Variants in SET observed in about 807,000 individuals in gnomAD.
SET encodes the protein protein SET.
A neutral mutation model predicts 39.0 loss-of-function variants in SET; 4 were observed. The ratio of observed to expected loss-of-function variants is 0.10; its 90% CI spans 0.05 to 0.23. The LOEUF (loss-of-function observed/expected upper bound fraction) is 0.23, where lower values mean the gene tolerates loss of function less well. Ranked by LOEUF, SET falls within the 10% of genes least tolerant of loss-of-function variation. The probability of loss-of-function intolerance (pLI) is 1.00; values close to 1 mark genes in which losing one functional copy is unlikely to be tolerated. For synonymous variants in SET, 114 were observed against 115.9 expected, an observed-to-expected ratio of 0.98 and a Z score of 0.11; for missense variants, 137 against 329.7, an observed-to-expected ratio of 0.42 and a Z score of 4.53.
At chr9:128,692,799 G>A in intron 4 of SET, 34 bp downstream of exon 4, 1 of 1,539,372 alleles carries the variant, frequency 6.5e-7, no homozygotes, top group South Asian at 1.1e-5. Flanking sequence ...GTTTGCCACT[G>A]TGGAAATTAA....
chr9:128,686,699 C>T (rs1861295052), upstream of SET, among the ~76,000 whole-genome samples: 3 of 152,072 alleles, frequency 2.0e-5, no homozygotes, highest in Admixed American at 2.0e-4. Flanking sequence ...AGGCAGGGTG[C>T]GATGGCTAAC....
Position 128,691,172 on chromosome 9 carries a change from AAAG to A in SET, c.79_81del (p.Glu27del). 1 of 1,604,176 alleles carries A rather than the reference AAAG, an allele frequency of 6.2e-7. No homozygotes were observed. Among genetic ancestry groups the A allele is most frequent in the Non-Finnish European group, 8.5e-7 (1 of 1,176,480 alleles). On this transcript the variant is annotated inframe_deletion, in exon 2 of 8. Coordinates refer to ENST00000322030, the MANE Select transcript of SET (RefSeq NM_003011.4). ...AGTTTTTTGCTCCTTTTTTGCAGAA[AAAG>A]AACAGCAAGAAGCGATTGAACACAT...
Position 128,689,533 on chromosome 9 carries a change from C to T in SET, c.-50C>T, listed in dbSNP as rs1207664725. 5.0e-6 allele frequency: 5 copies of T among 1,006,966 alleles called. No individual in the cohort carries two copies. Among genetic ancestry groups the T allele is most frequent in the East Asian group, 3.6e-5 (1 of 27,544 alleles). 62.4% of individuals were successfully genotyped at this position (1,006,966 alleles called of 1,614,324 possible). ...GAAGCCGCTTGCCCGCCCCCTTCGCCTTCCCTTCTCTCCCCCTCCCCGCTC... is the reference window on the plus strand; with the variant it reads ...GAAGCCGCTTGCCCGCCCCCTTCGCTTTCCCTTCTCTCCCCCTCCCCGCTC... On this transcript the variant is annotated 5_prime_UTR_variant, in exon 1 of 8. Coordinates refer to ENST00000322030, the MANE Select transcript of SET (RefSeq NM_003011.4).
At chr9:128,684,990 G>A, upstream of SET, 2 of 1,435,278 alleles carry the variant, frequency 1.4e-6, no homozygotes, top group Non-Finnish European at 1.8e-6. Context: ...GGGGAGGGTT[G>A]TGGTGGAGCC....
intron 1 of SET, 84 bp from the exon 2 acceptor site, chr9:128,691,086 T>A: frequency 9.2e-7 from 1 of 1,091,108 alleles, no homozygotes; most frequent in Non-Finnish European, 1.4e-6. Flanking sequence ...TTTGTTTTAA[T>A]GGCTTTTGGA....
intron 1 of SET, chr9:128,690,771 CATT>C (rs1169457051): frequency 1.1e-4 from 22 of 205,448 alleles, no homozygotes; most frequent in Admixed American, 5.6e-4. Context: ...TAATTTGTAT[CATT>C]GTCATGGGTT....
chr9:128,691,350 A>G, intron 2 of SET, 123 bp downstream of exon 2: 1 of 683,450 alleles, frequency 1.5e-6, no homozygotes, highest in Non-Finnish European at 2.5e-6. Flanking sequence ...ACTTGGTTGG[A>G]AATACTTATG....
chr9:128,687,042 G>A (rs538910893), upstream of SET, among the ~76,000 whole-genome samples: 1 of 152,162 alleles, frequency 6.6e-6, no homozygotes, highest in African/African-American at 2.4e-5. Flanking sequence ...TAGAATCTTG[G>A]TTCTGTCACT....
exon 1 of SET, chr9:128,683,685 TAAAAG>T (rs1861190707): frequency 2.1e-6 from 1 of 474,128 alleles, no homozygotes; most frequent in Admixed American, 3.8e-5. Flanking sequence ...AGAGAGCAAC[TAAAAG>T]AAATTTCTCC....
At chr9:128,691,656 A>AC (rs1261398476) in intron 2 of SET, among the ~76,000 whole-genome samples, 5 of 152,224 alleles carry the variant, frequency 3.3e-5, no homozygotes. Flanking sequence ...CACTCTTAAC[A>AC]GTCATTATTA....
Position 128,689,471 on chromosome 9 carries a change from C to G in SET, c.-112C>G. On this transcript the variant is annotated 5_prime_UTR_variant, in exon 1 of 8. Coordinates refer to ENST00000322030, the MANE Select transcript of SET (RefSeq NM_003011.4). ...GCGAGCGAGCGCCGGGAGGAGGCGGCCGGACCGAGCGGGCGCCCGCGCGTG... is the reference window on the plus strand; with the variant it reads ...GCGAGCGAGCGCCGGGAGGAGGCGGGCGGACCGAGCGGGCGCCCGCGCGTG... 1 of 640,818 alleles carries G rather than the reference C, an allele frequency of 1.6e-6. No individual in the cohort carries two copies. 39.7% of individuals were successfully genotyped at this position (640,818 alleles called of 1,614,324 possible). A position where few individuals can be genotyped will look rare whatever the true frequency, so the allele number is the denominator to read the frequency against.
At chr9:128,693,297 C>T (rs1861612620) in intron 5 of SET, among the ~76,000 whole-genome samples, 1 of 152,090 alleles carries the variant, frequency 6.6e-6, no homozygotes, top group Non-Finnish European at 1.5e-5. Flanking sequence ...TTTTTTGTTG[C>T]TGTTGTTTTC....
At chr9:128,690,942 T>TA (rs1861510364) in intron 1 of SET, 1 of 589,068 alleles carries the variant, frequency 1.7e-6, no homozygotes, top group African/African-American at 1.9e-5. Flanking sequence ...AAAAAGGCGC[T>TA]ATAGAAAACC....
chr9:128,688,447 C>T (rs1301125659), upstream of SET, among the ~76,000 whole-genome samples: 1 of 152,116 alleles, frequency 6.6e-6, no homozygotes, highest in Non-Finnish European at 1.5e-5. Context: ...TGTGAGGCCT[C>T]GGTGAGATAA....
Position 128,689,312 on chromosome 9 carries a change from G to GCCGC in SET, c.-265_-262dup, listed in dbSNP as rs1259949122. The GCCGC allele has an allele frequency of 1.5e-5, 15 of 1,027,202 alleles. No homozygotes were observed. The East Asian group carries it at 1.1e-3, about 75-fold the overall frequency. The allele number at this position is 1,027,202 out of a possible 1,614,324, so 63.6% of individuals were successfully genotyped here. On this transcript the variant is annotated 5_prime_UTR_variant, in exon 1 of 8. Transcript: ENST00000322030. Reference sequence around the variant, plus strand: ...CGCCGAGCGCGAGTGAGGGAGCCGAGCCGCCCGCCGCCGCCGCCTCCGCCT... The same window carrying GCCGC: ...CGCCGAGCGCGAGTGAGGGAGCCGAGCCGCCCGCCCGCCGCCGCCGCCTCCGCCT...
At position 128,689,523 on chromosome 9, in the gene SET, C is replaced by A; in HGVS notation, c.-60C>A. ...GGCGTGAGGGGAAGCCGCTTGCCCG[C>A]CCCCTTCGCCTTCCCTTCTCTCCCC... is the stretch of plus-strand genomic sequence containing the variant. On this transcript the variant is annotated 5_prime_UTR_variant, in exon 1 of 8. Coordinates refer to ENST00000322030, the MANE Select transcript of SET (RefSeq NM_003011.4). 2.5e-6 allele frequency: 2 copies of A among 811,828 alleles called. No individual in the cohort carries two copies. The highest frequency in any genetic ancestry group is 3.4e-6 in the Non-Finnish European group (2 of 583,648). The allele number at this position is 811,828 out of a possible 1,614,324, so 50.3% of individuals were successfully genotyped here.
chr9:128,689,544 T>TC lies in SET; in HGVS notation c.-34dup. ...CCCGCCCCCTTCGCCTTCCCTTCTC[T>TC]CCCCCTCCCCGCTCCCCCCCCGACC... On this transcript the variant is annotated 5_prime_UTR_variant, in exon 1 of 8. Coordinates refer to ENST00000322030, the MANE Select transcript of SET (RefSeq NM_003011.4). 1.8e-6 allele frequency: 2 copies of TC among 1,110,762 alleles called. No individual in the cohort carries two copies. The highest frequency in any genetic ancestry group is 2.4e-6 in the Non-Finnish European group (2 of 839,738). The allele number at this position is 1,110,762 out of a possible 1,614,324, so 68.8% of individuals were successfully genotyped here. A position where few individuals can be genotyped will look rare whatever the true frequency, so the allele number is the denominator to read the frequency against.
At chr9:128,684,477 C>T (rs1229196573), upstream of SET, among the ~76,000 whole-genome samples, 1 of 152,142 alleles carries the variant, frequency 6.6e-6, no homozygotes, top group Non-Finnish European at 1.5e-5. Context: ...CAGCTTCCTC[C>T]TCCTCCCCTT....
chr9:128,686,284 G>C (rs1353814248), upstream of SET, among the ~76,000 whole-genome samples: 1 of 152,126 alleles, frequency 6.6e-6, no homozygotes, highest in Non-Finnish European at 1.5e-5. Flanking sequence ...GAGAAGCACT[G>C]TGTGGGGAAG....
Sources: gnomAD v4.1 joint callset for allele counts (sites outside exome capture counted in the v4.1 genomes callset) on GRCh38, gnomAD v4.1.1 for gene constraint, MANE v1.5 for transcripts, NCBI Gene and HGNC (gene_info 2026-07-23, HGNC 2026-07-21) for gene names.